SH3KBP1: variants seen among roughly 807,000 people sequenced by gnomAD.
SH3KBP1 encodes the protein SH3 domain-containing kinase-binding protein 1.
A neutral mutation model predicts 50.1 loss-of-function variants in SH3KBP1; 8 were observed. The observed-to-expected ratio is 0.16, with a 90% CI of 0.09 to 0.29. The LOEUF (loss-of-function observed/expected upper bound fraction) is 0.29, where lower values mean the gene tolerates loss of function less well. Ranked by LOEUF, SH3KBP1 falls within the 10% of genes least tolerant of loss-of-function variation. SH3KBP1 has a pLI of 1.00. For synonymous variants in SH3KBP1, 227 were observed against 218.6 expected, an observed-to-expected ratio of 1.04 and a Z score of -0.34; for missense variants, 377 against 535.2, an observed-to-expected ratio of 0.70 and a Z score of 2.92.
chrX:19,760,753 T>C (rs908208154), intron 2 of SH3KBP1, among the ~76,000 whole-genome samples: 1 of 110,789 alleles, frequency 9.0e-6, no homozygotes, highest in African/African-American at 3.3e-5. Flanking sequence ...TAAGATCTTG[T>C]GAATAATGGC....
chrX:19,804,869 C>A (rs2066988644), intron 2 of SH3KBP1, among the ~76,000 whole-genome samples: 1 of 60,451 alleles, frequency 1.7e-5, no homozygotes, highest in Non-Finnish European at 3.0e-5. Flanking sequence ...TACCCGCCCC[C>A]AGCCCAAACC....
chrX:19,708,286 T>C (rs1018914634), intron 3 of SH3KBP1, among the ~76,000 whole-genome samples: 1 of 112,044 alleles, frequency 8.9e-6, no homozygotes, highest in East Asian at 2.8e-4. Context: ...AAGAACAGAG[T>C]TGAATAGAAG....
intron 3 of SH3KBP1, among the ~76,000 whole-genome samples, chrX:19,724,088 C>T (rs1244153051): frequency 9.0e-6 from 1 of 111,459 alleles, no homozygotes; most frequent in Non-Finnish European, 1.9e-5. Context: ...GGTTATATCT[C>T]ACCCAGACTT....
At chrX:19,646,142 G>C (rs1026520907) in intron 6 of SH3KBP1, among the ~76,000 whole-genome samples, 1 of 112,034 alleles carries the variant, frequency 8.9e-6, no homozygotes, top group South Asian at 3.7e-4. Flanking sequence ...AAGCCTCCAA[G>C]GGCTTAGAAA....
chrX:19,855,281 G>A (rs373257632), intron 1 of SH3KBP1, among the ~76,000 whole-genome samples: 1 of 111,870 alleles, frequency 8.9e-6, no homozygotes, highest in African/African-American at 3.2e-5. Flanking sequence ...ACCATGCCCC[G>A]CCGGTAAGCT....
intron 3 of SH3KBP1, among the ~76,000 whole-genome samples, chrX:19,722,941 C>A (rs1299202534): frequency 9.1e-6 from 1 of 109,937 alleles, no homozygotes; most frequent in East Asian, 2.8e-4. Context: ...TCGAGACTAG[C>A]CTGGGCAACA....
intron 3 of SH3KBP1, among the ~76,000 whole-genome samples, chrX:19,715,724 T>A (rs2063892767): frequency 8.9e-6 from 1 of 112,544 alleles, no homozygotes; most frequent in African/African-American, 3.2e-5. Flanking sequence ...GAACTCAGAC[T>A]TCTAAATATC....
intron 1 of SH3KBP1, among the ~76,000 whole-genome samples, chrX:19,841,922 G>C (rs1416378908): frequency 1.8e-4 from 13 of 71,561 alleles, no homozygotes; most frequent in African/African-American, 6.5e-4. Context: ...GGGGGGGTGG[G>C]GGGGGGCTCT....
At chrX:19,686,783 G>A (rs763052181) in intron 5 of SH3KBP1, among the ~76,000 whole-genome samples, 1 of 111,049 alleles carries the variant, frequency 9.0e-6, no homozygotes, top group Admixed American at 9.5e-5. Context: ...ATACACGTAG[G>A]TATGTATGCA....
chrX:19,724,442 A>G (rs902216856), intron 3 of SH3KBP1, among the ~76,000 whole-genome samples: 3 of 112,393 alleles, frequency 2.7e-5, no homozygotes, highest in Non-Finnish European at 1.9e-5. Context: ...CCCGGCAGGC[A>G]GGAATTCGGT....
In SH3KBP1 at chrX:19,608,055, A is replaced by G. The variant is rs2067293344; in HGVS notation, c.898-10T>C. Reference sequence around the variant, plus strand: ...CTACGTCGATGCAGTCCTAGAAAACAGGAGAACAGAGAGTGAGAGATGGGG... The same window carrying G: ...CTACGTCGATGCAGTCCTAGAAAACGGGAGAACAGAGAGTGAGAGATGGGG... On this transcript the variant is annotated splice_polypyrimidine_tract_variant and intron_variant, in intron 8 of 17. Transcript: ENST00000397821. 6 of 1,194,802 alleles carry G rather than the reference A, an allele frequency of 5.0e-6. No individual in the cohort carries two copies. The highest frequency in any genetic ancestry group is 6.8e-6 in the Non-Finnish European group (6 of 881,295).
intron 11 of SH3KBP1, 25 bp downstream of exon 11, chrX:19,592,042 T>C (rs2066763876): frequency 1.8e-6 from 2 of 1,125,321 alleles, no homozygotes; most frequent in Non-Finnish European, 2.4e-6. Flanking sequence ...GTTCTGGAAG[T>C]GCCAATGAAG....
intron 3 of SH3KBP1, among the ~76,000 whole-genome samples, chrX:19,736,568 CTCTT>C (rs2064583440): frequency 8.9e-6 from 1 of 112,455 alleles, no homozygotes; most frequent in Non-Finnish European, 1.9e-5. Flanking sequence ...TGGCTGGTCT[CTCTT>C]TCCCTTCCTG....
chrX:19,782,544 A>T (rs1288193525), intron 2 of SH3KBP1, among the ~76,000 whole-genome samples: 1 of 111,599 alleles, frequency 9.0e-6, no homozygotes, highest in Non-Finnish European at 1.9e-5. Context: ...GAGGAAAGGA[A>T]GGCTTTGTAC....
At chrX:19,849,751 G>A (rs1002406372) in intron 1 of SH3KBP1, among the ~76,000 whole-genome samples, 40 of 107,678 alleles carry the variant, frequency 3.7e-4, no homozygotes, top group Middle Eastern at 4.3e-3. Flanking sequence ...CTTCCAAATC[G>A]TGATTCAAAC....
At chrX:19,776,532 G>GTTTTTTT (rs72090569) in intron 2 of SH3KBP1, among the ~76,000 whole-genome samples, 331 of 25,679 alleles carry the variant, frequency 0.013, 44 homozygotes, top group African/African-American at 0.027. Context: ...TGACAACCTG[G>GTTTTTTT]TTTTTTTTTT....
chrX:19,601,080 G>A (rs1184499622), intron 9 of SH3KBP1, among the ~76,000 whole-genome samples: 10 of 111,574 alleles, frequency 9.0e-5, no homozygotes, highest in Non-Finnish European at 1.9e-4. Flanking sequence ...TGGGAGAGCC[G>A]AATGCCTTCC....
At chrX:19,849,640 G>A (rs6633310) in intron 1 of SH3KBP1, among the ~76,000 whole-genome samples, 2 of 100,047 alleles carry the variant, frequency 2.0e-5, no homozygotes, top group Non-Finnish European at 4.0e-5. Context: ...AGCAGTTGCA[G>A]TGAGCTGAGA....
chrX:19,762,616 A>T (rs906985045), intron 2 of SH3KBP1, among the ~76,000 whole-genome samples: 2 of 111,379 alleles, frequency 1.8e-5, no homozygotes, highest in Admixed American at 9.6e-5. Flanking sequence ...AAAAATTCCA[A>T]TTCCTTGAGT....
Sources: gnomAD v4.1 joint callset for allele counts (sites outside exome capture counted in the v4.1 genomes callset) on GRCh38, gnomAD v4.1.1 for gene constraint, MANE v1.5 for transcripts, NCBI Gene and HGNC (gene_info 2026-07-23, HGNC 2026-07-21) for gene names.